Variants in ABLIM2 observed in about 807,000 individuals in gnomAD.
ABLIM2 encodes the protein actin binding LIM protein family member 2.
A neutral mutation model predicts 97.7 loss-of-function variants in ABLIM2; 53 were observed. That is an observed-to-expected ratio of 0.54 (90% CI 0.44 to 0.68). ABLIM2 has a LOEUF of 0.68. Among genes scored for constraint, ABLIM2 ranks in the 30% least tolerant of loss-of-function variants. The pLI is 0.00. For synonymous variants in ABLIM2, 361 were observed against 345.8 expected (o/e 1.04, Z -0.49); for missense variants, 835 against 867.2 (o/e 0.96, Z 0.47).
chr4:7,973,082 T>TGA (rs1235569649), intron 20 of ABLIM2, among the ~76,000 whole-genome samples: 19 of 149,226 alleles, frequency 1.3e-4, no homozygotes, highest in African/African-American at 4.7e-4. Context: ...TTGCTGTGTG[T>TGA]GTGTGTGTGT....
At chr4:8,154,527 G>C (rs1346412342) in intron 1 of ABLIM2, among the ~76,000 whole-genome samples, 3 of 151,896 alleles carry the variant, frequency 2.0e-5, no homozygotes, top group Admixed American at 2.0e-4. Context: ...TGATCCACCC[G>C]CCTCGGCCTC....
chr4:8,136,145 A>G (rs1850163418), intron 1 of ABLIM2, among the ~76,000 whole-genome samples: 1 of 152,232 alleles, frequency 6.6e-6, no homozygotes, highest in South Asian at 2.1e-4. Context: ...AAATCCCGAC[A>G]GAGGCTACAG....
intron 14 of ABLIM2, among the ~76,000 whole-genome samples, chr4:8,014,003 G>A (rs906288960): frequency 6.6e-6 from 1 of 152,194 alleles, no homozygotes; most frequent in Non-Finnish European, 1.5e-5. Flanking sequence ...ATGTCCAGGG[G>A]GCCAGCAGAG....
At position 7,992,788 on chromosome 4, in the gene ABLIM2, G is replaced by C; in HGVS notation, c.1680+78C>G. ...CCGGGGCCTCTCCTCCTGCTGTGTG[G>C]TCAAGAAGCTGTGGGAAACGTGCTC... On this transcript the variant is annotated intron_variant, in intron 17 of 20. Transcript: ENST00000447017. This position sits in a 1 kb window ranked among gnomAD's most constrained non-coding sequence, Gnocchi z 5.7. 1 of 1,511,580 alleles carries C rather than the reference G, an allele frequency of 6.6e-7. No homozygotes were observed. The highest frequency in any genetic ancestry group is 9.1e-7 in the Non-Finnish European group (1 of 1,103,524). The allele number at this position is 1,511,580 out of a possible 1,614,324, so 93.6% of individuals were successfully genotyped here. A position where few individuals can be genotyped will look rare whatever the true frequency, so the allele number is the denominator to read the frequency against.
chr4:8,062,744 T>TA (rs1804208193), intron 6 of ABLIM2, among the ~76,000 whole-genome samples: 2 of 152,162 alleles, frequency 1.3e-5, no homozygotes, highest in Non-Finnish European at 2.9e-5. Flanking sequence ...CGGCCTGGTC[T>TA]GAGTAGCACT....
At position 8,127,465 on chromosome 4, in the gene ABLIM2, C is replaced by T. The variant is rs904786437; in HGVS notation, c.11-20828G>A. 6.3e-6 allele frequency: 8 copies of T among 1,278,720 alleles called. No homozygotes were observed. The highest frequency in any genetic ancestry group is 8.2e-6 in the Non-Finnish European group (8 of 979,958). The allele number at this position is 1,278,720 out of a possible 1,614,324, so 79.2% of individuals were successfully genotyped here. A position where few individuals can be genotyped will look rare whatever the true frequency, so the allele number is the denominator to read the frequency against. On this transcript the variant is annotated intron_variant, in intron 1 of 20. Transcript: ENST00000447017. The surrounding 1 kb of genome is among the most constrained non-coding windows in gnomAD (Gnocchi z 7.3). Reference sequence around the variant, plus strand: ...TGAAGCTGATTCATGGAGCTCACAGCTCCCAGTCCCCTGAAGCTGACTCAT... The same window carrying T: ...TGAAGCTGATTCATGGAGCTCACAGTTCCCAGTCCCCTGAAGCTGACTCAT...
At chr4:8,062,737 C>T (rs910442633) in intron 6 of ABLIM2, among the ~76,000 whole-genome samples, 4 of 152,108 alleles carry the variant, frequency 2.6e-5, no homozygotes, top group Non-Finnish European at 5.9e-5. Context: ...CCACGCCCGG[C>T]CTGGTCTGAG....
At position 7,966,678 on chromosome 4, in the gene ABLIM2, G is replaced by T. The variant is rs896619389; in HGVS notation, c.*312C>A. Reference sequence around the variant, plus strand: ...ACCGGGGCCAGGGCACCTCGAGAACGCTGGGAAGGTGGGCTGGGCTGCAGC... The same window carrying T: ...ACCGGGGCCAGGGCACCTCGAGAACTCTGGGAAGGTGGGCTGGGCTGCAGC... On this transcript the variant is annotated 3_prime_UTR_variant, in exon 21 of 21. Transcript: ENST00000447017. 3.1e-6 allele frequency: 1 copy of T among 324,176 alleles called. No individual in the cohort carries two copies. Among genetic ancestry groups the T allele is most frequent in the Non-Finnish European group, 5.7e-6 (1 of 174,582 alleles). The allele number at this position is 324,176 out of a possible 1,614,324, so 20.1% of individuals were successfully genotyped here. A position where few individuals can be genotyped will look rare whatever the true frequency, so the allele number is the denominator to read the frequency against.
At chr4:8,079,378 G>A (rs145029809) in intron 5 of ABLIM2, among the ~76,000 whole-genome samples, 3 of 152,334 alleles carry the variant, frequency 2.0e-5, no homozygotes, top group South Asian at 2.1e-4. Context: ...AGCTGCCAAC[G>A]CTGCGGGAGG....
intron 4 of ABLIM2, 78 bp from the exon 5 acceptor site, chr4:8,080,880 C>A: frequency 6.6e-7 from 1 of 1,510,048 alleles, no homozygotes; most frequent in South Asian, 1.3e-5. Flanking sequence ...CTCCACACTC[C>A]GTGAAGGCCC....
chr4:8,007,209 C>T (rs543217665), intron 16 of ABLIM2: 48 of 985,394 alleles, frequency 4.9e-5, no homozygotes, highest in East Asian at 4.5e-4. Flanking sequence ...CTACTATGGC[C>T]GGCCGAATGC....
chr4:7,983,754 A>G (rs1005364937), intron 18 of ABLIM2, among the ~76,000 whole-genome samples, 200 bp from the exon 19 acceptor site: 1 of 152,186 alleles, frequency 6.6e-6, no homozygotes, highest in Non-Finnish European at 1.5e-5. Flanking sequence ...TCCCCCGGGA[A>G]ACCAGAGCAG....
intron 6 of ABLIM2, among the ~76,000 whole-genome samples, chr4:8,065,174 C>T (rs1055898136): frequency 2.6e-5 from 4 of 152,214 alleles, no homozygotes; most frequent in South Asian, 2.1e-4. Context: ...ATACTTTGAG[C>T]TCAGGAGCTC....
chr4:8,114,951 G>A (rs1267078643), intron 1 of ABLIM2, among the ~76,000 whole-genome samples: 1 of 152,064 alleles, frequency 6.6e-6, no homozygotes, highest in Non-Finnish European at 1.5e-5. Flanking sequence ...CCTGCGGGGC[G>A]CCCTGGAACG....
intron 3 of ABLIM2, among the ~76,000 whole-genome samples, chr4:8,091,930 T>C (rs1342718677): frequency 8.1e-6 from 1 of 123,144 alleles, no homozygotes; most frequent in Non-Finnish European, 1.6e-5. Flanking sequence ...ATATAATGTA[T>C]ATTATAATAT....
chr4:8,007,909 T>C (rs1175569911), intron 16 of ABLIM2, 150 bp downstream of exon 16: 19 of 1,462,150 alleles, frequency 1.3e-5, no homozygotes, highest in Admixed American at 2.4e-5. Flanking sequence ...CCATATTTCC[T>C]TCCGGTCGGT....
chr4:8,006,143 A>C (rs901014452), intron 16 of ABLIM2, among the ~76,000 whole-genome samples: 1 of 152,218 alleles, frequency 6.6e-6, no homozygotes, highest in Non-Finnish European at 1.5e-5. Context: ...ACTCCAGGGC[A>C]CCTACATTCT....
At position 8,023,456 on chromosome 4, in the gene ABLIM2, G is replaced by A. The variant is rs890923709; in HGVS notation, c.1268-3153C>T. On this transcript the variant is annotated intron_variant, in intron 12 of 20. Coordinates refer to ENST00000447017, the MANE Select transcript of ABLIM2 (RefSeq NM_001130083.2). The surrounding 1 kb of genome is among the most constrained non-coding windows in gnomAD (Gnocchi z 5.7). The stretch of plus-strand genomic sequence containing the variant: ...GATACTGGGCTTATGGGGTTGAGAA[G>A]GAAGCCCATGAGGTGAAGTGTCCTC... Among the ~76,000 whole-genome samples, 2 of 152,258 alleles carry A rather than the reference G, an allele frequency of 1.3e-5. No homozygotes were observed. The highest frequency in any genetic ancestry group is 2.9e-5 in the Non-Finnish European group (2 of 68,048).
In ABLIM2 at chr4:8,140,647, A is replaced by G. The variant is rs1013799832; in HGVS notation, c.10+18033T>C. Among the ~76,000 whole-genome samples the G allele has an allele frequency of 2.0e-5, 3 of 152,140 alleles. No homozygotes were observed. The highest frequency in any genetic ancestry group is 7.2e-5 in the African/African-American group (3 of 41,432). On this transcript the variant is annotated intron_variant, in intron 1 of 20. Transcript: ENST00000447017. This position sits in a 1 kb window ranked among gnomAD's most constrained non-coding sequence, Gnocchi z 5.9. ...ACTGCTACTGATGATGGAAGCAATG[A>G]TGATAAAATCGACCCCAGAGAATAC...
Sources: allele counts gnomAD v4.1 joint callset (sites outside exome capture counted in the v4.1 genomes callset), GRCh38; gene constraint gnomAD v4.1.1; non-coding constraint Gnocchi (gnomAD v3.1); transcripts MANE v1.5; gene names NCBI Gene and HGNC (gene_info 2026-07-23, HGNC 2026-07-21).